Variants in EXOC2 observed in about 807,000 individuals in gnomAD.
EXOC2 encodes SEC5-like 1.
Under a neutral mutation model 131.8 loss-of-function variants are expected in EXOC2, and 70 were observed. That is an observed-to-expected ratio of 0.53 (90% CI 0.44 to 0.65). EXOC2 has a LOEUF of 0.65. EXOC2 is among the 30% of genes least tolerant of loss of function. The pLI, the probability that EXOC2 is intolerant of heterozygous loss-of-function variation, is 0.00. For synonymous variants in EXOC2, 411 were observed against 398.4 expected, an observed-to-expected ratio of 1.03 and a Z score of -0.38; for missense variants, 923 against 1,108.6, an observed-to-expected ratio of 0.83 and a Z score of 2.38.
intron 21 of EXOC2, 136 bp downstream of exon 21, chr6:553,718 A>C (rs564289772): frequency 1.5e-6 from 1 of 662,214 alleles, no homozygotes; most frequent in Admixed American, 2.8e-5. Flanking sequence ...AATTTCACAT[A>C]ATAGAGCTCC....
intron 23 of EXOC2, among the ~76,000 whole-genome samples, chr6:527,628 T>C (rs1304643712): frequency 1.3e-5 from 2 of 152,360 alleles, no homozygotes; most frequent in South Asian, 4.1e-4. Context: ...GTTATATGCA[T>C]CATACATGGA....
At chr6:668,154 G>A (rs1052376248) in intron 1 of EXOC2, among the ~76,000 whole-genome samples, 6 of 150,040 alleles carry the variant, frequency 4.0e-5, no homozygotes, top group Admixed American at 1.3e-4. Flanking sequence ...TATTTGTCTT[G>A]CTCCGTGTTC....
chr6:665,992 A>G (rs1763629446), intron 1 of EXOC2, among the ~76,000 whole-genome samples: 2 of 152,218 alleles, frequency 1.3e-5, no homozygotes, highest in Non-Finnish European at 2.9e-5. Context: ...TCTGCTACCT[A>G]TTCTTGTGAA....
intron 1 of EXOC2, among the ~76,000 whole-genome samples, chr6:673,658 C>A (rs1763978797): frequency 6.6e-6 from 1 of 152,104 alleles, no homozygotes; most frequent in African/African-American, 2.4e-5. Context: ...CTAGAGGAAA[C>A]CTCCAAACAA....
intron 23 of EXOC2, among the ~76,000 whole-genome samples, chr6:507,340 C>T (rs1188377810): frequency 1.8e-5 from 1 of 54,404 alleles, no homozygotes; most frequent in Non-Finnish European, 4.6e-5. Flanking sequence ...CCCCCCCACA[C>T]ACACCACAGC....
Position 617,717 on chromosome 6 carries a change from G to A in EXOC2, c.655C>T (p.Leu219Phe). 6.2e-7 allele frequency: 1 copy of A among 1,611,936 alleles called. No homozygotes were observed. Residue 219 changes from leucine to phenylalanine, a missense_variant, in exon 6 of 28, where the codon CTC (leucine) becomes TTC (phenylalanine). Leu to Phe is a conservative substitution (Grantham distance 22). Coordinates refer to ENST00000230449, the MANE Select transcript of EXOC2 (RefSeq NM_018303.6). ...GCTCTGAGGATCGCCTTACCTGAGA[G>A]GGCATCCTGTGCTTCGAAGAATGTA... ...LSTFFEAQDALSAIHQKLEAD... is the reference protein window; with the variant it reads ...LSTFFEAQDAFSAIHQKLEAD...
At chr6:677,917 G>A (rs1764221999) in intron 1 of EXOC2, among the ~76,000 whole-genome samples, 2 of 146,198 alleles carry the variant, frequency 1.4e-5, no homozygotes, top group East Asian at 4.0e-4. Context: ...TGCATCAGGG[G>A]CTGTGCTTAT....
intron 1 of EXOC2, among the ~76,000 whole-genome samples, chr6:665,292 G>T (rs1372584486): frequency 1.3e-5 from 2 of 152,180 alleles, no homozygotes; most frequent in Non-Finnish European, 2.9e-5. Context: ...AGTACATGTT[G>T]GTGTAGATGC....
intron 23 of EXOC2, among the ~76,000 whole-genome samples, chr6:504,206 C>T (rs745313970): frequency 6.6e-6 from 1 of 152,228 alleles, no homozygotes; most frequent in Non-Finnish European, 1.5e-5. Context: ...CAGGCAGGGG[C>T]TGGGACGGTG....
chr6:491,039 C>T, intron 26 of EXOC2, 86 bp downstream of exon 26: 1 of 1,346,720 alleles, frequency 7.4e-7, no homozygotes, highest in Non-Finnish European at 1.1e-6. Context: ...GTGCTCTGAT[C>T]AGTCATCTTT....
chr6:540,897 G>T (rs1360708370), intron 22 of EXOC2, among the ~76,000 whole-genome samples: 1 of 152,134 alleles, frequency 6.6e-6, no homozygotes, highest in East Asian at 1.9e-4. Flanking sequence ...CTAAAAAGGA[G>T]CCAAGGAAAA....
intron 1 of EXOC2, among the ~76,000 whole-genome samples, chr6:680,401 C>A (rs1764349009): frequency 6.6e-6 from 1 of 152,192 alleles, no homozygotes; most frequent in Non-Finnish European, 1.5e-5. Flanking sequence ...AGAGAAAGGG[C>A]TAGAAGGATG....
intron 1 of EXOC2, among the ~76,000 whole-genome samples, chr6:654,304 G>A (rs530160681): frequency 4.6e-5 from 7 of 152,312 alleles, no homozygotes; most frequent in African/African-American, 1.7e-4. Flanking sequence ...TCTTGGCAAA[G>A]TGAATGGAAA....
intron 27 of EXOC2, among the ~76,000 whole-genome samples, chr6:488,406 T>G (rs893860475): frequency 1.3e-5 from 2 of 152,230 alleles, no homozygotes; most frequent in African/African-American, 4.8e-5. Flanking sequence ...GATTTTCTCT[T>G]AGGTCCGTTT....
At chr6:652,673 TAAGTA>T (rs1165052199) in intron 1 of EXOC2, among the ~76,000 whole-genome samples, 1 of 152,070 alleles carries the variant, frequency 6.6e-6, no homozygotes, top group African/African-American at 2.4e-5. Context: ...AATTATTTTC[TAAGTA>T]AAGTACTGGA....
At chr6:544,053 G>A (rs1756700290) in intron 22 of EXOC2, among the ~76,000 whole-genome samples, 1 of 152,180 alleles carries the variant, frequency 6.6e-6, no homozygotes, top group Admixed American at 6.5e-5. Context: ...AAATACAGGG[G>A]ATGGTACCAC....
At chr6:561,483 T>C (rs976192511) in intron 17 of EXOC2, among the ~76,000 whole-genome samples, 1 of 152,254 alleles carries the variant, frequency 6.6e-6, no homozygotes, top group African/African-American at 2.4e-5. Flanking sequence ...CATTGTTTCC[T>C]GATAGCCTGA....
At chr6:530,024 T>C (rs1451905096) in intron 23 of EXOC2, among the ~76,000 whole-genome samples, 1 of 152,244 alleles carries the variant, frequency 6.6e-6, no homozygotes, top group Non-Finnish European at 1.5e-5. Flanking sequence ...CGCATTTTAA[T>C]TGAAACGCAG....
intron 21 of EXOC2, among the ~76,000 whole-genome samples, chr6:549,542 T>C (rs1339063048): frequency 2.0e-5 from 3 of 152,208 alleles, no homozygotes; most frequent in African/African-American, 7.2e-5. Flanking sequence ...ACTTAACAGC[T>C]TGGATGGAAA....
Sources: allele counts gnomAD v4.1 joint callset (sites outside exome capture counted in the v4.1 genomes callset), GRCh38; gene constraint gnomAD v4.1.1; transcripts MANE v1.5; gene names NCBI Gene and HGNC (gene_info 2026-07-23, HGNC 2026-07-21).